PACS2: variants seen among roughly 807,000 people sequenced by gnomAD.
PACS2 encodes phosphofurin acidic cluster sorting protein 2, also known as PACS1-like protein.
A neutral mutation model predicts 113.0 loss-of-function variants in PACS2; 36 were observed. That is an observed-to-expected ratio of 0.32 (90% CI 0.24 to 0.42). PACS2 has a LOEUF of 0.42. Among genes scored for constraint, PACS2 ranks in the 10% least tolerant of loss-of-function variants. The pLI is 1.00. For synonymous variants in PACS2, 589 were observed against 536.1 expected (o/e 1.10, Z -1.36); for missense variants, 1,015 against 1,239.5 (o/e 0.82, Z 2.72).
rs1218461034 is a variant in PACS2 at position 105,315,080 on chromosome 14, TG to T, written c.119+48del. The T allele has an allele frequency of 2.8e-6, 3 of 1,087,506 alleles. No individual in the cohort carries two copies. Among genetic ancestry groups the T allele is most frequent in the Admixed American group, 4.9e-5 (1 of 20,568 alleles). 67.4% of individuals were successfully genotyped at this position (1,087,506 alleles called of 1,614,324 possible). A position where few individuals can be genotyped will look rare whatever the true frequency, so the allele number is the denominator to read the frequency against. On this transcript the variant is annotated intron_variant, in intron 1 of 24. Coordinates refer to ENST00000447393, the MANE Select transcript of PACS2 (RefSeq NM_001100913.3). The surrounding 1 kb of genome is among the most constrained non-coding windows in gnomAD (Gnocchi z 4.4). ...CGCTTTGTTCCCGCCGGGCACCTGC[TG>T]GGGGTGTCCTGGCCGCGGCCTCTGC... is the stretch of plus-strand genomic sequence containing the variant.
In PACS2 at chr14:105,394,725, G is replaced by T. The variant is rs1555416094; in HGVS notation, c.*53G>T. The T allele has an allele frequency of 1.1e-5, 12 of 1,101,248 alleles. No homozygotes were observed. Among genetic ancestry groups the T allele is most frequent in the Non-Finnish European group, 1.7e-5 (12 of 712,982 alleles). 68.2% of individuals were successfully genotyped at this position (1,101,248 alleles called of 1,614,324 possible). On this transcript the variant is annotated 3_prime_UTR_variant, in exon 25 of 25. Transcript: ENST00000447393. ...GCCCCATGCTGTGAGGGGCCCAGCTGCATTTCTGTTAACATTTCAGTTTAC... is the reference window on the plus strand; with the variant it reads ...GCCCCATGCTGTGAGGGGCCCAGCTTCATTTCTGTTAACATTTCAGTTTAC...
chr14:105,375,131 G>A (rs982677381), intron 8 of PACS2, among the ~76,000 whole-genome samples: 3 of 152,146 alleles, frequency 2.0e-5, no homozygotes, highest in African/African-American at 7.2e-5. Context: ...TCTACCCTGG[G>A]CAACAAAGCA....
At chr14:105,302,879 C>T (rs1432656304) in intron 1 of PACS2, among the ~76,000 whole-genome samples, 2 of 152,178 alleles carry the variant, frequency 1.3e-5, no homozygotes, top group African/African-American at 2.4e-5. Context: ...CTGCTCCCCG[C>T]CCTGTCCTCC....
chr14:105,384,935 T>A lies in PACS2; in HGVS notation c.1948T>A (p.Cys650Ser). Residue 650 changes from cysteine to serine, a missense_variant, in exon 18 of 25, where the codon TGT becomes AGT. Coordinates refer to ENST00000447393, the MANE Select transcript of PACS2 (RefSeq NM_001100913.3). The part of the protein sequence containing the change: ...RITQYIAGAN[C>S]AHQLPIAEAM... ...CACGCAGTACATCGCAGGGGCCAAC[T>A]GTGCCCACCAGCTCCCCATCGCAGA... The A allele has an allele frequency of 1.2e-6, 2 of 1,601,574 alleles. No homozygotes were observed. Among genetic ancestry groups the A allele is most frequent in the Non-Finnish European group, 8.5e-7 (1 of 1,174,452 alleles).
chr14:105,380,135 T>C lies in PACS2; in HGVS notation c.1106T>C (p.Val369Ala), dbSNP rs1555411566. The change falls in exon 11 of 25, where the codon GTC (valine) becomes GCC (alanine). Residue 369 changes from valine to alanine, a missense_variant. Val to Ala is a moderately conservative substitution (Grantham distance 64). This residue lies in a region of PACS2 where 859 missense variants were observed against 1,056.8 expected (regional missense o/e 0.81). Transcript: ENST00000447393. Reference protein sequence around the residue: ...SLGGRQPSDSVSDTVALGVPG... With the variant: ...SLGGRQPSDSASDTVALGVPG... ...GGAGGCAGGCAGCCGAGCGACAGTG[T>C]CTCTGACACGGTGGCCCTCGTAAGC... is the stretch of plus-strand genomic sequence containing the variant. 1 of 1,552,406 alleles carries C rather than the reference T, an allele frequency of 6.4e-7. No homozygotes were observed. Among genetic ancestry groups the C allele is most frequent in the Admixed American group, 2.0e-5 (1 of 51,148 alleles).
At chr14:105,390,242 C>T in intron 20 of PACS2, 1 of 561,758 alleles carries the variant, frequency 1.8e-6, no homozygotes, top group African/African-American at 1.9e-5. Context: ...TAAATGGAAG[C>T]AGAGACAGGT....
At chr14:105,364,978 G>A (rs965072492) in intron 4 of PACS2, among the ~76,000 whole-genome samples, 8 of 152,196 alleles carry the variant, frequency 5.3e-5, no homozygotes, top group East Asian at 3.8e-4. Flanking sequence ...GATTACAGGC[G>A]TGAACCATTA....
intron 1 of PACS2, among the ~76,000 whole-genome samples, chr14:105,336,030 AG>A (rs1268852718): frequency 1.3e-5 from 2 of 152,196 alleles, no homozygotes; most frequent in Non-Finnish European, 2.9e-5. Context: ...TCCTCTGCCC[AG>A]GGGCAGCAGG....
chr14:105,336,018 A>C (rs1039696542), intron 1 of PACS2, among the ~76,000 whole-genome samples: 1 of 152,182 alleles, frequency 6.6e-6, no homozygotes, highest in African/African-American at 2.4e-5. Flanking sequence ...AGCCTGTGAC[A>C]TTCCTCTGCC....
At chr14:105,328,960 G>A (rs1429731716) in intron 1 of PACS2, among the ~76,000 whole-genome samples, 17 of 152,192 alleles carry the variant, frequency 1.1e-4, no homozygotes, top group Admixed American at 1.1e-3. Flanking sequence ...CTGCACAGTC[G>A]GAAAATTTGT....
At chr14:105,342,788 A>G (rs1234534293) in intron 1 of PACS2, among the ~76,000 whole-genome samples, 2 of 151,802 alleles carry the variant, frequency 1.3e-5, no homozygotes, top group African/African-American at 4.8e-5. Flanking sequence ...ATAAAAAATT[A>G]GCTGGGTGTG....
chr14:105,314,246 C>T (rs2058446376), upstream of PACS2, among the ~76,000 whole-genome samples: 1 of 146,308 alleles, frequency 6.8e-6, no homozygotes, highest in Non-Finnish European at 1.5e-5. Context: ...CAGCGGGGGT[C>T]GGCAGGAGAC....
upstream of PACS2, among the ~76,000 whole-genome samples, chr14:105,313,457 C>T (rs150703123): frequency 2.0e-3 from 299 of 152,324 alleles, 2 homozygotes; most frequent in Non-Finnish European, 3.1e-3. Context: ...GAGCCAGGGG[C>T]GCGTGGGAAA....
intron 8 of PACS2, among the ~76,000 whole-genome samples, chr14:105,374,111 C>T (rs1238485247): frequency 6.8e-6 from 1 of 147,802 alleles, no homozygotes; most frequent in Non-Finnish European, 1.5e-5. Flanking sequence ...GCCAACATTG[C>T]ATCATTGCAC....
At chr14:105,320,995 A>G (rs1314483964) in intron 1 of PACS2, among the ~76,000 whole-genome samples, 6 of 152,232 alleles carry the variant, frequency 3.9e-5, no homozygotes, top group Admixed American at 3.3e-4. Flanking sequence ...TCTACTAAAC[A>G]TACAAAAATT....
Position 105,348,429 on chromosome 14 carries a change from G to A in PACS2, c.120-64G>A, listed in dbSNP as rs781952175. On this transcript the variant is annotated intron_variant, in intron 1 of 24. Transcript: ENST00000447393. The surrounding 1 kb of genome is among the most constrained non-coding windows in gnomAD (Gnocchi z 6.4). Reference sequence around the variant, plus strand: ...TCCCGGGGTGACACAGTGCTGGGACGGCACAGGGCCGCGTCCTGAGGAGAG... The same window carrying A: ...TCCCGGGGTGACACAGTGCTGGGACAGCACAGGGCCGCGTCCTGAGGAGAG... 2.1e-5 allele frequency: 27 copies of A among 1,289,648 alleles called. No individual in the cohort carries two copies. The highest frequency in any genetic ancestry group is 2.3e-4 in the Middle Eastern group (1 of 4,276). The allele number at this position is 1,289,648 out of a possible 1,614,324, so 79.9% of individuals were successfully genotyped here.
chr14:105,393,567 G>A (rs1197465670), intron 24 of PACS2: 6 of 435,496 alleles, frequency 1.4e-5, no homozygotes, highest in East Asian at 1.2e-4. Flanking sequence ...GACTTGTTTC[G>A]TTTTTCTTGT....
rs1311721406 is a variant in PACS2 at position 105,398,084 on chromosome 14, G to A, written c.*3412G>A. 3.3e-5 allele frequency: 5 copies of A among 152,218 alleles called. No individual in the cohort carries two copies. Among genetic ancestry groups the A allele is most frequent in the Non-Finnish European group, 5.9e-5 (4 of 68,030 alleles). 9.4% of individuals were successfully genotyped at this position (152,218 alleles called of 1,614,324 possible). On this transcript the variant is annotated 3_prime_UTR_variant, in exon 25 of 25. Transcript: ENST00000447393. ...TTTGGGGAACGGATTCTAATGTCAC[G>A]TATGTGACCGTGTGGACTATTTCAA... is the stretch of plus-strand genomic sequence containing the variant.
intron 16 of PACS2, 101 bp from the exon 17 acceptor site, chr14:105,384,246 GGCAGCA>G (rs2081093864): frequency 1.6e-6 from 1 of 639,830 alleles, no homozygotes; most frequent in African/African-American, 1.8e-5. Context: ...TTGTCTGGAA[GGCAGCA>G]GCACAGGCCT....
Sources: gnomAD v4.1 joint callset for allele counts (sites outside exome capture counted in the v4.1 genomes callset) on GRCh38, gnomAD v4.1.1 for gene constraint, gnomAD v4.1.1 regional missense constraint, Gnocchi (gnomAD v3.1) non-coding constraint, MANE v1.5 for transcripts, NCBI Gene and HGNC (gene_info 2026-07-23, HGNC 2026-07-21) for gene names.